Variants in RAD50 observed in about 807,000 individuals in gnomAD.
The protein encoded by RAD50 is DNA repair protein RAD50.
A neutral mutation model predicts 168.8 loss-of-function variants in RAD50; 132 were observed. The ratio of observed to expected loss-of-function variants is 0.78; its 90% CI spans 0.68 to 0.90. RAD50 has a LOEUF of 0.90. Among genes scored for constraint, RAD50 ranks in the 40% least tolerant of loss-of-function variants. The pLI is 0.00. For synonymous variants in RAD50, 525 were observed against 497.4 expected (o/e 1.06, Z -0.74); for missense variants, 1,347 against 1,534.4 (o/e 0.88, Z 2.04).
chr5:132,576,788 C>G (rs1440526283), intron 3 of RAD50, among the ~76,000 whole-genome samples: 1 of 152,202 alleles, frequency 6.6e-6, no homozygotes, highest in Admixed American at 6.5e-5. Context: ...TGAAACACCT[C>G]TGACTAAAGT....
At chr5:132,559,182 A>C (rs1233561681) in intron 1 of RAD50, 102 bp from the exon 2 acceptor site, 1 of 1,146,456 alleles carries the variant, frequency 8.7e-7, no homozygotes, top group African/African-American at 1.6e-5. Context: ...TTTATCTTTT[A>C]TAGTTTCCAT....
Position 132,587,545 on chromosome 5 carries a change from T to C in RAD50, c.757-17T>C, listed in dbSNP as rs2149840392. On this transcript the variant is annotated splice_polypyrimidine_tract_variant and intron_variant, in intron 5 of 24. Coordinates refer to ENST00000378823, the MANE Select transcript of RAD50 (RefSeq NM_005732.4). Reference sequence around the variant, plus strand: ...GCTATAGTGAGTTTTATTTATGTAATGTTTCTTTATTTTCAGAATCGTCTA... The same window carrying C: ...GCTATAGTGAGTTTTATTTATGTAACGTTTCTTTATTTTCAGAATCGTCTA... 1.2e-6 allele frequency: 2 copies of C among 1,611,632 alleles called. No individual in the cohort carries two copies. Among genetic ancestry groups the C allele is most frequent in the Non-Finnish European group, 1.7e-6 (2 of 1,179,022 alleles).
intron 5 of RAD50, among the ~76,000 whole-genome samples, chr5:132,585,855 A>T (rs1750587817): frequency 6.6e-6 from 1 of 152,018 alleles, no homozygotes; most frequent in African/African-American, 2.4e-5. Context: ...CAGTCTCCCA[A>T]AGTGCTGGGA....
In RAD50 at chr5:132,605,041, T is replaced by G. The variant is rs558952647; in HGVS notation, c.2718+42T>G. The G allele has an allele frequency of 2.8e-4, 383 of 1,359,564 alleles. 11 individuals are homozygous for G. The South Asian group carries it at 5.7e-3, about 20-fold the overall frequency. 84.2% of individuals were successfully genotyped at this position (1,359,564 alleles called of 1,614,324 possible). A position where few individuals can be genotyped will look rare whatever the true frequency, so the allele number is the denominator to read the frequency against. On this transcript the variant is annotated intron_variant, in intron 16 of 24. Coordinates refer to ENST00000378823, the MANE Select transcript of RAD50 (RefSeq NM_005732.4). The stretch of plus-strand genomic sequence containing the variant: ...ATGTTTTTTGTAAAATTATTTTAAT[T>G]ATTTATTTTTATTTTTATTTTTTGA...
Position 132,644,393 on chromosome 5 carries a change from T to C in RAD50, c.*2029T>C, listed in dbSNP as rs2149868424. 1 of 171,434 alleles carries C rather than the reference T, an allele frequency of 5.8e-6. No individual in the cohort carries two copies. 10.6% of individuals were successfully genotyped at this position (171,434 alleles called of 1,614,324 possible). ...ATCACAGCATGGATGGAGGTTAGAA[T>C]GAGCCAGACTGCCTGGGCTCAAATC... is the stretch of plus-strand genomic sequence containing the variant. On this transcript the variant is annotated 3_prime_UTR_variant, in exon 25 of 25. Coordinates refer to ENST00000378823, the MANE Select transcript of RAD50 (RefSeq NM_005732.4).
intron 20 of RAD50, 150 bp from the exon 21 acceptor site, chr5:132,617,920 C>T: frequency 1.4e-6 from 1 of 722,508 alleles, no homozygotes; most frequent in Non-Finnish European, 2.4e-6. Context: ...TACCAAAGCC[C>T]TAAATAATAA....
At chr5:132,565,600 T>C (rs1018912104) in intron 2 of RAD50, among the ~76,000 whole-genome samples, 2 of 152,160 alleles carry the variant, frequency 1.3e-5, no homozygotes, top group African/African-American at 4.8e-5. Flanking sequence ...CCCACTGTAC[T>C]CTGACCTGAA....
chr5:132,586,816 T>C (rs1201308566), intron 5 of RAD50, among the ~76,000 whole-genome samples: 3 of 152,114 alleles, frequency 2.0e-5, no homozygotes, highest in Non-Finnish European at 4.4e-5. Flanking sequence ...TGCACTGTTA[T>C]TGCACCTGTG....
At chr5:132,598,184 A>G (rs896414998) in intron 13 of RAD50, among the ~76,000 whole-genome samples, 1 of 151,838 alleles carries the variant, frequency 6.6e-6, no homozygotes, top group Non-Finnish European at 1.5e-5. Context: ...AGTAGCTGGG[A>G]TTACAGGCGC....
intron 5 of RAD50, among the ~76,000 whole-genome samples, chr5:132,582,034 A>G (rs10479007): frequency 0.049 from 7,477 of 152,200 alleles, 596 homozygotes; most frequent in African/African-American, 0.17. Context: ...GCCAGAGAGG[A>G]TTTCATAGGA....
chr5:132,643,293 C>G lies in RAD50; in HGVS notation c.*929C>G, dbSNP rs970468953. On this transcript the variant is annotated 3_prime_UTR_variant, in exon 25 of 25. Transcript: ENST00000378823. The stretch of plus-strand genomic sequence containing the variant: ...AGAACAGGCCTCTCCATTTGCTCTT[C>G]AGATGCCACTTCTAAGAAAAGCCTA... 1 of 247,342 alleles carries G rather than the reference C, an allele frequency of 4.0e-6. No homozygotes were observed. The highest frequency in any genetic ancestry group is 8.2e-6 in the Non-Finnish European group (1 of 121,712). The allele number at this position is 247,342 out of a possible 1,614,324, so 15.3% of individuals were successfully genotyped here.
At chr5:132,608,986 G>T in intron 17 of RAD50, 131 bp from the exon 18 acceptor site, 1 of 1,358,126 alleles carries the variant, frequency 7.4e-7, no homozygotes, top group Non-Finnish European at 9.9e-7. Flanking sequence ...ACTTGTCTGC[G>T]ATCATAAAAT....
intron 24 of RAD50, chr5:132,641,711 C>A (rs1445220828): frequency 6.2e-6 from 1 of 162,398 alleles, no homozygotes; most frequent in African/African-American, 2.4e-5. Flanking sequence ...TCTAAGTAGA[C>A]CCAGCTCTTA....
At chr5:132,604,690 G>A (rs1750950499) in intron 15 of RAD50, 116 bp from the exon 16 acceptor site, 1 of 866,378 alleles carries the variant, frequency 1.2e-6, no homozygotes, top group Non-Finnish European at 1.9e-6. Context: ...GCAGTGGGTG[G>A]GGCCCACAGA....
intron 21 of RAD50, among the ~76,000 whole-genome samples, chr5:132,635,747 A>C (rs954930125): frequency 6.6e-6 from 1 of 152,218 alleles, no homozygotes; most frequent in African/African-American, 2.4e-5. Context: ...AATCAGGATC[A>C]TGATATATAA....
At chr5:132,592,124 G>T (rs1346576971) in intron 11 of RAD50, 90 bp downstream of exon 11, 2 of 1,373,716 alleles carry the variant, frequency 1.5e-6, no homozygotes, top group Non-Finnish European at 2.1e-6. Flanking sequence ...GTCATGAAAT[G>T]GTATGTTATA....
At chr5:132,631,334 G>A (rs969437086) in intron 21 of RAD50, among the ~76,000 whole-genome samples, 1 of 152,002 alleles carries the variant, frequency 6.6e-6, no homozygotes, top group African/African-American at 2.4e-5. Context: ...TGGCCAGGGT[G>A]GTCTCTAACA....
intron 13 of RAD50, among the ~76,000 whole-genome samples, chr5:132,599,713 A>C (rs1750853250): frequency 6.6e-6 from 1 of 151,876 alleles, no homozygotes; most frequent in Non-Finnish European, 1.5e-5. Flanking sequence ...ATAAGCCACC[A>C]TGCCCAACCA....
intron 11 of RAD50, chr5:132,592,939 A>G (rs1054931863): frequency 2.6e-5 from 12 of 468,918 alleles, no homozygotes; most frequent in African/African-American, 2.0e-4. Context: ...TTTTTCAGTC[A>G]GAATTGTGTA....
Sources: allele counts gnomAD v4.1 joint callset (sites outside exome capture counted in the v4.1 genomes callset), GRCh38; gene constraint gnomAD v4.1.1; transcripts MANE v1.5; gene names NCBI Gene and HGNC (gene_info 2026-07-23, HGNC 2026-07-21).